Variants in MGLL observed in about 807,000 individuals in gnomAD.
MGLL encodes lysophospholipase homolog.
Under a neutral mutation model 29.1 loss-of-function variants are expected in MGLL, and 7 were observed. The ratio of observed to expected loss-of-function variants is 0.24; its 90% CI spans 0.14 to 0.45. The LOEUF is 0.45. Among genes scored for constraint, MGLL ranks in the 20% least tolerant of loss-of-function variants. The pLI is 0.99. For missense variants in MGLL, 356 were observed against 413.6 expected (o/e 0.86, Z 1.21); for synonymous variants, 148 against 168.3 (o/e 0.88, Z 0.93).
chr3:127,753,014 A>G (rs1280321200), intron 3 of MGLL, among the ~76,000 whole-genome samples: 1 of 152,218 alleles, frequency 6.6e-6, no homozygotes, highest in Non-Finnish European at 1.5e-5. Context: ...AGGGAAAAAC[A>G]AAGATTTTCT....
intron 2 of MGLL, among the ~76,000 whole-genome samples, chr3:127,795,541 T>G (rs1353309028): frequency 6.6e-6 from 1 of 152,078 alleles, no homozygotes; most frequent in Non-Finnish European, 1.5e-5. Flanking sequence ...ATCCTCTGAA[T>G]CTAAATAAAA....
chr3:127,771,260 G>C (rs1479010130), intron 3 of MGLL, among the ~76,000 whole-genome samples: 1 of 152,174 alleles, frequency 6.6e-6, no homozygotes, highest in South Asian at 2.1e-4. Flanking sequence ...TCTGCTCACC[G>C]TGAGCTTCGT....
chr3:127,712,848 A>T (rs2075744649), intron 5 of MGLL: 1 of 152,320 alleles, frequency 6.6e-6, no homozygotes, highest in Admixed American at 6.5e-5. Context: ...GGAACTCTGC[A>T]CAAGGACTGG....
intron 2 of MGLL, among the ~76,000 whole-genome samples, chr3:127,783,116 C>T (rs533852584): frequency 2.2e-4 from 24 of 111,540 alleles, no homozygotes; most frequent in Non-Finnish European, 1.6e-5. Context: ...TGCACTCCAG[C>T]TTGGGTGACA....
intron 3 of MGLL, among the ~76,000 whole-genome samples, chr3:127,757,229 C>G (rs1256403578): frequency 6.6e-6 from 1 of 152,164 alleles, no homozygotes; most frequent in Non-Finnish European, 1.5e-5. Flanking sequence ...CACACCCAGC[C>G]AAGCCCAGCC....
At chr3:127,755,441 G>T (rs937007348) in intron 3 of MGLL, among the ~76,000 whole-genome samples, 4 of 152,184 alleles carry the variant, frequency 2.6e-5, no homozygotes, top group African/African-American at 9.7e-5. Context: ...CCAAACATGG[G>T]AGACACGATA....
intron 2 of MGLL, among the ~76,000 whole-genome samples, chr3:127,807,557 T>TA (rs1313882166): frequency 6.6e-6 from 1 of 151,922 alleles, no homozygotes; most frequent in East Asian, 1.9e-4. Flanking sequence ...GGTGAAAAGA[T>TA]ATTTGCATTT....
At chr3:127,762,724 G>C (rs2076787634) in intron 3 of MGLL, among the ~76,000 whole-genome samples, 1 of 152,130 alleles carries the variant, frequency 6.6e-6, no homozygotes, top group Non-Finnish European at 1.5e-5. Context: ...AGCAGTTCTG[G>C]TCATTACTGC....
At chr3:127,712,496 ATG>A (rs2075735857) in intron 5 of MGLL, 1 of 152,212 alleles carries the variant, frequency 6.6e-6, no homozygotes, top group Admixed American at 6.5e-5. Flanking sequence ...CTTTTCTCAA[ATG>A]GTAGAAATCA....
intron 3 of MGLL, among the ~76,000 whole-genome samples, chr3:127,771,180 C>A (rs1038440719): frequency 6.6e-6 from 1 of 152,188 alleles, no homozygotes; most frequent in African/African-American, 2.4e-5. Flanking sequence ...TTGCCTCAGG[C>A]AGTTACCCTC....
intron 2 of MGLL, among the ~76,000 whole-genome samples, chr3:127,798,027 T>G (rs1277209639): frequency 1.3e-5 from 2 of 152,212 alleles, no homozygotes; most frequent in African/African-American, 4.8e-5. Context: ...GTGTGACATT[T>G]CATTGTGAAA....
At position 127,822,449 on chromosome 3, in the gene MGLL, G is replaced by C. The variant is rs1221391915; in HGVS notation, c.-131C>G. 3.2e-6 allele frequency: 3 copies of C among 945,980 alleles called. No homozygotes were observed. In the African/African-American group the frequency reaches 4.9e-5, roughly 16 times the overall value. The allele number at this position is 945,980 out of a possible 1,614,324, so 58.6% of individuals were successfully genotyped here. On this transcript the variant is annotated 5_prime_UTR_variant, in exon 1 of 8. Coordinates refer to ENST00000265052, the MANE Select transcript of MGLL (RefSeq NM_007283.7). Reference sequence around the variant, plus strand: ...GCTCCGAGCCCTCTTCCCGCACCCAGACCCTGCCTTTCGGGCTGGGGCGCT... The same window carrying C: ...GCTCCGAGCCCTCTTCCCGCACCCACACCCTGCCTTTCGGGCTGGGGCGCT...
chr3:127,722,936 A>G (rs1359755431), intron 3 of MGLL, among the ~76,000 whole-genome samples: 1 of 152,248 alleles, frequency 6.6e-6, no homozygotes, highest in Non-Finnish European at 1.5e-5. Flanking sequence ...AAGAAGGCTC[A>G]GAATTTTCCT....
At chr3:127,722,930 A>C (rs927108944) in intron 3 of MGLL, among the ~76,000 whole-genome samples, 3 of 152,224 alleles carry the variant, frequency 2.0e-5, no homozygotes, top group Non-Finnish European at 2.9e-5. Context: ...AAGACGAAGA[A>C]GGCTCAGAAT....
At chr3:127,821,535 T>C (rs971973006) in intron 2 of MGLL, among the ~76,000 whole-genome samples, 159 bp downstream of exon 2, 1 of 152,196 alleles carries the variant, frequency 6.6e-6, no homozygotes, top group Non-Finnish European at 1.5e-5. Flanking sequence ...AAGTATACAT[T>C]TTAGCTTTGT....
At chr3:127,817,364 A>T (rs2077775911) in intron 2 of MGLL, among the ~76,000 whole-genome samples, 1 of 152,196 alleles carries the variant, frequency 6.6e-6, no homozygotes, top group South Asian at 2.1e-4. Context: ...TCAATACACC[A>T]GTTTTTATCA....
chr3:127,712,170 A>T (rs926031236), intron 5 of MGLL: 3 of 152,280 alleles, frequency 2.0e-5, no homozygotes, highest in African/African-American at 7.2e-5. Flanking sequence ...AGCCTGGATT[A>T]CTACGTCTCT....
rs761211516 is a variant in MGLL at position 127,691,380 on chromosome 3, T to A, written c.*818A>T. 1.3e-5 allele frequency: 2 copies of A among 152,304 alleles called. No individual in the cohort carries two copies. The highest frequency in any genetic ancestry group is 4.8e-5 in the African/African-American group (2 of 41,456). 9.4% of individuals were successfully genotyped at this position (152,304 alleles called of 1,614,324 possible). ...CCAAAATAGTCTCTGCTTTAAAATATACATTATATATTAGACATTTCATCT... is the reference window on the plus strand; with the variant it reads ...CCAAAATAGTCTCTGCTTTAAAATAAACATTATATATTAGACATTTCATCT... On this transcript the variant is annotated 3_prime_UTR_variant, in exon 8 of 8. Transcript: ENST00000265052.
Position 127,811,292 on chromosome 3 carries a change from G to C in MGLL, c.155+10402C>G, listed in dbSNP as rs964034410. Among the ~76,000 whole-genome samples, 10 of 152,194 alleles carry C rather than the reference G, an allele frequency of 6.6e-5. 1 individual carries two copies. Among genetic ancestry groups the C allele is most frequent in the Admixed American group, 3.3e-4 (5 of 15,282 alleles). On this transcript the variant is annotated intron_variant, in intron 2 of 7. Coordinates refer to ENST00000265052, the MANE Select transcript of MGLL (RefSeq NM_007283.7). ...GAAACTCTACAAGAGGCATGTGTTG[G>C]AGAAGATAGAAAAAAGCTAAACATG...
Sources: allele counts gnomAD v4.1 joint callset (sites outside exome capture counted in the v4.1 genomes callset), GRCh38; gene constraint gnomAD v4.1.1; transcripts MANE v1.5; gene names NCBI Gene and HGNC (gene_info 2026-07-23, HGNC 2026-07-21).